ZNF83: variants seen among roughly 807,000 people sequenced by gnomAD.
ZNF83 encodes zinc finger protein 816B.
For synonymous variants in ZNF83, 209 were observed against 213.0 expected (o/e 0.98, Z 0.17); for missense variants, 552 against 629.9 (o/e 0.88, Z 1.32).
intron 2 of ZNF83, among the ~76,000 whole-genome samples, chr19:52,628,655 C>T (rs113540071): frequency 6.6e-5 from 10 of 151,990 alleles, no homozygotes; most frequent in South Asian, 2.1e-4. Flanking sequence ...CAGCAAGTTC[C>T]GCTTTTCTAG....
intron 2 of ZNF83, among the ~76,000 whole-genome samples, chr19:52,656,625 A>G (rs2061508534): frequency 1.3e-5 from 2 of 152,272 alleles, no homozygotes; most frequent in South Asian, 4.2e-4. Context: ...CCGAACACTT[A>G]TGGAGGCTGA....
chr19:52,684,473 T>C (rs1388083636), intron 1 of ZNF83, among the ~76,000 whole-genome samples: 4 of 148,696 alleles, frequency 2.7e-5, no homozygotes, highest in African/African-American at 1.0e-4. Flanking sequence ...CACTTGAAGC[T>C]AGGAGACAGA....
At chr19:52,663,930 C>G (rs971312983) in intron 1 of ZNF83, among the ~76,000 whole-genome samples, 1 of 152,124 alleles carries the variant, frequency 6.6e-6, no homozygotes, top group Non-Finnish European at 1.5e-5. Context: ...CTCTGTTGCC[C>G]GGCTGGAATG....
At chr19:52,636,361 A>G (rs1359915469) in intron 1 of ZNF83, 1 of 151,210 alleles carries the variant, frequency 6.6e-6, no homozygotes, top group Non-Finnish European at 1.5e-5. Context: ...ACAGAAAGGG[A>G]TTTTTTTCTC....
chr19:52,656,224 C>G (rs201066094), intron 2 of ZNF83, among the ~76,000 whole-genome samples: 3 of 124,540 alleles, frequency 2.4e-5, no homozygotes, highest in African/African-American at 8.6e-5. Flanking sequence ...CTCTCTCTCT[C>G]TCTATATATA....
upstream of ZNF83, among the ~76,000 whole-genome samples, chr19:52,641,691 CT>C (rs906178817): frequency 6.6e-6 from 1 of 151,932 alleles, no homozygotes; most frequent in Admixed American, 6.6e-5. Context: ...TTTTCCTATT[CT>C]TTTTTTTCTG....
chr19:52,619,219 T>G (rs35706759), intron 2 of ZNF83, among the ~76,000 whole-genome samples: 46,631 of 151,810 alleles, frequency 0.31, 7,667 homozygotes, highest in East Asian at 0.54. Context: ...CCCAGTGGTG[T>G]TTGATTATAC....
chr19:52,689,195 CTCTG>C, intron 1 of ZNF83, among the ~76,000 whole-genome samples: 1 of 152,306 alleles, frequency 6.6e-6, no homozygotes, highest in Admixed American at 6.5e-5. Context: ...AAAAACCCTG[CTCTG>C]TCTTTGTTCA....
chr19:52,689,327 C>T (rs1025215474), intron 1 of ZNF83, among the ~76,000 whole-genome samples: 3 of 152,120 alleles, frequency 2.0e-5, no homozygotes, highest in Non-Finnish European at 4.4e-5. Flanking sequence ...ATATTTCCGC[C>T]TCTTCTCCCA....
chr19:52,633,545 G>A (rs1439464054), intron 2 of ZNF83, among the ~76,000 whole-genome samples: 2 of 152,250 alleles, frequency 1.3e-5, no homozygotes, highest in Non-Finnish European at 1.5e-5. Context: ...TGGAGGATGT[G>A]ACAGGGAAAG....
chr19:52,679,844 T>C (rs1568581958), intron 1 of ZNF83, among the ~76,000 whole-genome samples: 1 of 152,024 alleles, frequency 6.6e-6, no homozygotes, highest in Non-Finnish European at 1.5e-5. Context: ...CCATGACTGA[T>C]AGGAGGGTCA....
At chr19:52,643,384 G>A (rs12971911), upstream of ZNF83, among the ~76,000 whole-genome samples, 17 of 148,680 alleles carry the variant, frequency 1.1e-4, no homozygotes, top group African/African-American at 4.0e-4. Context: ...AGGCATTAAC[G>A]ATGTGAGTGA....
At chr19:52,646,397 A>G (rs2147237415) in intron 3 of ZNF83, among the ~76,000 whole-genome samples, 1 of 152,096 alleles carries the variant, frequency 6.6e-6, no homozygotes, top group Non-Finnish European at 1.5e-5. Flanking sequence ...AACAACAACA[A>G]AACTAGCTGG....
At chr19:52,638,413 C>CGGGGCCCGCGAGGTGGGT (rs2061230506), upstream of ZNF83, 1 of 147,282 alleles carries the variant, frequency 6.8e-6, no homozygotes, top group African/African-American at 2.5e-5. Flanking sequence ...GCGAGGTGGG[C>CGGGGCCCGCGAGGTGGGT]GGGGCCTGGA....
intron 2 of ZNF83, among the ~76,000 whole-genome samples, chr19:52,622,428 T>C (rs2060583607): frequency 6.6e-6 from 1 of 152,158 alleles, no homozygotes; most frequent in African/African-American, 2.4e-5. Flanking sequence ...GGATAGAGTT[T>C]ATACCCTAGC....
At chr19:52,687,561 T>TTA (rs373595986) in intron 1 of ZNF83, among the ~76,000 whole-genome samples, 806 of 21,658 alleles carry the variant, frequency 0.037, 17 homozygotes, top group African/African-American at 0.066. Context: ...TGTGTAAATT[T>TTA]TATATATATA....
chr19:52,683,680 C>G lies in ZNF83; in HGVS notation c.-283+6763G>C, dbSNP rs115545029. Among the ~76,000 whole-genome samples, 1,091 of 152,256 alleles carry G rather than the reference C, an allele frequency of 7.2e-3. 5 individuals are homozygous for G. The highest frequency in any genetic ancestry group is 0.051 in the Middle Eastern group (15 of 292). On this transcript the variant is annotated intron_variant, in intron 1 of 5. Transcript: ENST00000594682. The stretch of plus-strand genomic sequence containing the variant: ...AAGATGCAGGGTCTGGTCTGTAGGG[C>G]TTTTCTGACCTTAGAGAGGCCTTCT...
rs377307964 is a variant in ZNF83, at chr19:52,612,754, C to T, written c.*260G>A. On this transcript the variant is annotated 3_prime_UTR_variant, in exon 3 of 3. Coordinates refer to ENST00000301096, the Ensembl canonical transcript of ZNF83. ...CAATGTGAGAATTGTGCCAGAAGACCTTGCCACATTCATTACATTTGTTAG... is the reference window on the plus strand; with the variant it reads ...CAATGTGAGAATTGTGCCAGAAGACTTTGCCACATTCATTACATTTGTTAG... 142 of 479,618 alleles carry T rather than the reference C, an allele frequency of 3.0e-4. 1 individual carries two copies. The highest frequency in any genetic ancestry group is 2.7e-3 in the African/African-American group (134 of 50,496). The allele number at this position is 479,618 out of a possible 1,614,324, so 29.7% of individuals were successfully genotyped here.
In ZNF83 at chr19:52,626,631, C is replaced by T. The variant is rs1345903605; in HGVS notation, c.-234+8435G>A. 2.0e-5 allele frequency among the ~76,000 whole-genome samples: 3 copies of T among 152,130 alleles called. No individual in the cohort carries two copies. In the East Asian group the frequency reaches 5.8e-4, roughly 29 times the overall value. ...ATACAAAACCACATTCAGACCATCA[C>T]CAATCATTCTATATGACAAATGCTA... is the stretch of plus-strand genomic sequence containing the variant. On this transcript the variant is annotated intron_variant, in intron 2 of 2. Transcript: ENST00000301096.
Sources: allele counts gnomAD v4.1 joint callset (sites outside exome capture counted in the v4.1 genomes callset), GRCh38; gene constraint gnomAD v4.1.1; transcripts MANE v1.5; gene names NCBI Gene and HGNC (gene_info 2026-07-23, HGNC 2026-07-21).